Variants in EYA1 observed in about 807,000 individuals in gnomAD.
EYA1 encodes EYA transcriptional coactivator and phosphatase 1.
In EYA1, 16 loss-of-function variants were observed where a neutral mutation model predicts 82.0. The ratio of observed to expected loss-of-function variants is 0.20; its 90% CI spans 0.13 to 0.30. EYA1 has a LOEUF of 0.30. EYA1 is among the 10% of genes least tolerant of loss of function. The pLI is 1.00. For missense variants in EYA1, 633 were observed against 730.7 expected (o/e 0.87, Z 1.54); for synonymous variants, 261 against 264.4 (o/e 0.99, Z 0.12).
intron 9 of EYA1, among the ~76,000 whole-genome samples, chr8:71,275,318 T>C (rs186733574): frequency 2.0e-4 from 31 of 152,264 alleles, no homozygotes; most frequent in Admixed American, 1.9e-3. Context: ...AAGATTGTAA[T>C]ACAAGGTACG....
chr8:71,252,718 G>A (rs1813896379), intron 11 of EYA1, among the ~76,000 whole-genome samples: 1 of 152,156 alleles, frequency 6.6e-6, no homozygotes, highest in Admixed American at 6.5e-5. Context: ...CTAAGAGGAA[G>A]GTAGGATCAT....
chr8:71,368,779 A>G, intron 2 of EYA1, among the ~76,000 whole-genome samples: 1 of 152,122 alleles, frequency 6.6e-6, no homozygotes. Flanking sequence ...AAGACTATCA[A>G]ACAGGAGGGA....
At chr8:71,200,088 C>A (rs1806773845) in intron 17 of EYA1, 1 of 155,986 alleles carries the variant, frequency 6.4e-6, no homozygotes, top group Non-Finnish European at 1.4e-5. Context: ...TCAGAAGTTA[C>A]ATCATCCATG....
At position 71,322,207 on chromosome 8, in the gene EYA1, G is replaced by A. The variant is rs766475601; in HGVS notation, c.264C>T (p.Tyr88=). 33 of 1,612,950 alleles carry A rather than the reference G, an allele frequency of 2.0e-5. No individual in the cohort carries two copies. The highest frequency in any genetic ancestry group is 1.6e-4 in the Middle Eastern group (1 of 6,080). ...PTHQFSPPQI[Y]PSNRPYPHIL... ...GAGAAAATACATCTTACTTGGAAGG[G>A]TAAATCTGTGGTGGAGAGAACTGGT... The change falls in exon 5 of 18, where the codon TAC becomes TAT. Residue 88 remains tyrosine (Y), a synonymous_variant. Coordinates refer to ENST00000340726, the MANE Select transcript of EYA1 (RefSeq NM_000503.6).
rs926095090 is a variant in EYA1 at position 71,210,751 on chromosome 8, A to G, written c.1698+405T>C. ...CTTCCAAGTCAGCTTTGACCAACTG[A>G]TAGAGGCTTTCTGAAGGATGTTTGA... On this transcript the variant is annotated intron_variant, in intron 17 of 17. Transcript: ENST00000340726. Among the ~76,000 whole-genome samples the G allele has an allele frequency of 6.0e-4, 91 of 152,314 alleles. 1 individual carries two copies. Among genetic ancestry groups the G allele is most frequent in the African/African-American group, 1.9e-3 (80 of 41,568 alleles).
intron 2 of EYA1, among the ~76,000 whole-genome samples, chr8:71,417,019 G>A (rs1830889648): frequency 6.6e-6 from 1 of 152,164 alleles, no homozygotes; most frequent in African/African-American, 2.4e-5. Context: ...AATAAAAGCA[G>A]GCAGAACAAC....
At chr8:71,359,433 T>C (rs1827180945) in intron 1 of EYA1, among the ~76,000 whole-genome samples, 1 of 152,192 alleles carries the variant, frequency 6.6e-6, no homozygotes, top group African/African-American at 2.4e-5. Flanking sequence ...CAAACAAGAC[T>C]TAAGGTACAC....
chr8:71,442,554 G>A (rs1045103159), intron 2 of EYA1, among the ~76,000 whole-genome samples: 1 of 152,126 alleles, frequency 6.6e-6, no homozygotes. Flanking sequence ...ACAGACAGTT[G>A]TATTGATTCT....
intron 4 of EYA1, among the ~76,000 whole-genome samples, chr8:71,332,694 T>C (rs1318437140): frequency 6.6e-6 from 1 of 152,164 alleles, no homozygotes; most frequent in East Asian, 1.9e-4. Flanking sequence ...TTTCCTTTGA[T>C]GCCTCCCATT....
chr8:71,363,041 T>C (rs1435315517), upstream of EYA1, among the ~76,000 whole-genome samples: 1 of 152,196 alleles, frequency 6.6e-6, no homozygotes, highest in East Asian at 1.9e-4. Context: ...TTGTAACCAA[T>C]TTTGTGCTCT....
chr8:71,493,616 G>C (rs1811178460), intron 2 of EYA1, among the ~76,000 whole-genome samples: 1 of 152,018 alleles, frequency 6.6e-6, no homozygotes, highest in Non-Finnish European at 1.5e-5. Context: ...TCCCATTAGA[G>C]AAGGAAAGAA....
intron 3 of EYA1, among the ~76,000 whole-genome samples, chr8:71,343,000 T>C (rs1388658892): frequency 6.6e-6 from 1 of 152,136 alleles, no homozygotes; most frequent in African/African-American, 2.4e-5. Flanking sequence ...CAGAGCAGGA[T>C]GGTCTTCAGT....
chr8:71,473,177 G>A (rs558142465), intron 2 of EYA1, among the ~76,000 whole-genome samples: 11 of 151,696 alleles, frequency 7.3e-5, no homozygotes, highest in Non-Finnish European at 1.5e-4. Flanking sequence ...AAAAGCAATG[G>A]CAACAAAAGC....
intron 1 of EYA1, among the ~76,000 whole-genome samples, chr8:71,360,886 CA>C (rs1481276772): frequency 6.6e-6 from 1 of 152,172 alleles, no homozygotes; most frequent in Non-Finnish European, 1.5e-5. Flanking sequence ...CTAATGTGTT[CA>C]AAACCTCCTC....
intron 9 of EYA1, among the ~76,000 whole-genome samples, chr8:71,294,099 T>C (rs1004151517): frequency 6.6e-6 from 1 of 151,334 alleles, no homozygotes; most frequent in Non-Finnish European, 1.5e-5. Context: ...GGTTGCAGGA[T>C]ATAACATAAT....
chr8:71,252,204 ACT>A (rs919378153), intron 11 of EYA1, among the ~76,000 whole-genome samples: 1 of 151,660 alleles, frequency 6.6e-6, no homozygotes, highest in African/African-American at 2.4e-5. Flanking sequence ...ATTTACCAAG[ACT>A]CTCACACACA....
At chr8:71,402,258 A>G (rs1586641681) in intron 2 of EYA1, among the ~76,000 whole-genome samples, 1 of 152,098 alleles carries the variant, frequency 6.6e-6, no homozygotes, top group Non-Finnish European at 1.5e-5. Context: ...TTTCCCCTCC[A>G]CTTGCTTTCT....
In EYA1 at chr8:71,303,826, A is replaced by G. The variant is rs143777379; in HGVS notation, c.557-4106T>C. Among the ~76,000 whole-genome samples the G allele has an allele frequency of 5.6e-5, 8 of 142,730 alleles. No homozygotes were observed. In the East Asian group the frequency reaches 1.6e-3, roughly 29 times the overall value. 93.6% of individuals were successfully genotyped at this position (142,730 alleles called of 152,430 possible). ...CCCGTACATGCTTCACCTATACTCC[A>G]CAACAACTTGATACTACAGGGTGTA... On this transcript the variant is annotated intron_variant, in intron 7 of 17. Transcript: ENST00000340726.
intron 16 of EYA1, among the ~76,000 whole-genome samples, chr8:71,212,146 T>C (rs1808594865): frequency 6.6e-6 from 1 of 152,206 alleles, no homozygotes; most frequent in African/African-American, 2.4e-5. Context: ...TTTATAGTTT[T>C]CAAATGTGAA....
Sources: gnomAD v4.1 joint callset for allele counts (sites outside exome capture counted in the v4.1 genomes callset) on GRCh38, gnomAD v4.1.1 for gene constraint, MANE v1.5 for transcripts, NCBI Gene and HGNC (gene_info 2026-07-23, HGNC 2026-07-21) for gene names.